RANBP2: variants seen among roughly 807,000 people sequenced by gnomAD.
The protein encoded by RANBP2 is E3 SUMO-protein ligase RanBP2.
RANBP2 carries 57 observed loss-of-function variants against 303.6 expected under a neutral mutation model. That is an observed-to-expected ratio of 0.19 (90% CI 0.15 to 0.23). The LOEUF is 0.23. RANBP2 is among the 10% of genes least tolerant of loss of function. The pLI is 1.00. For missense variants in RANBP2, 3,138 were observed against 3,780.8 expected (o/e 0.83, Z 4.46); for synonymous variants, 1,167 against 1,301.5 (o/e 0.90, Z 2.23).
chr2:109,515,220 C>A, the RANBP2 span, among the ~76,000 whole-genome samples: 1 of 152,184 alleles, frequency 6.6e-6, no homozygotes, highest in South Asian at 2.1e-4. Context: ...CTCGGCGGCA[C>A]CCAGCACCCC....
chr2:108,876,075 A>AT, the RANBP2 span: 87 of 1,526,450 alleles, frequency 5.7e-5, no homozygotes, highest in Middle Eastern at 1.8e-4. Flanking sequence ...TAATGTATTC[A>AT]TTTTTTTTAC....
chr2:109,015,568 G>T, the RANBP2 span, among the ~76,000 whole-genome samples: 1 of 152,052 alleles, frequency 6.6e-6, no homozygotes, highest in Non-Finnish European at 1.5e-5. Flanking sequence ...GACCAGCCTG[G>T]CCAACTTGGT....
At chr2:109,098,888 G>T in the RANBP2 span, among the ~76,000 whole-genome samples, 10 of 152,168 alleles carry the variant, frequency 6.6e-5, no homozygotes, top group South Asian at 4.1e-4. Context: ...ATCTCAGATG[G>T]GTTCAGGAAA....
At chr2:109,600,626 A>G in the RANBP2 span, among the ~76,000 whole-genome samples, 1 of 150,726 alleles carries the variant, frequency 6.6e-6, no homozygotes, top group Non-Finnish European at 1.5e-5. Flanking sequence ...GTTTTTTCCC[A>G]CCCACCCACC....
chr2:108,972,960 C>G, the RANBP2 span, among the ~76,000 whole-genome samples: 1 of 152,154 alleles, frequency 6.6e-6, no homozygotes, highest in Admixed American at 6.5e-5. Context: ...GAGGTCTCAG[C>G]AGGTGTTTAT....
chr2:109,714,644 CT>C, the RANBP2 span, among the ~76,000 whole-genome samples: 1 of 149,648 alleles, frequency 6.7e-6, no homozygotes, highest in Non-Finnish European at 1.5e-5. Context: ...CAAGGTCTCT[CT>C]GTATTGCCCA....
the RANBP2 span, among the ~76,000 whole-genome samples, chr2:108,934,494 G>A: frequency 7.3e-3 from 1,111 of 152,334 alleles, 7 homozygotes; most frequent in Non-Finnish European, 0.012. Flanking sequence ...ACAGTGATGG[G>A]GAGAGGGAGC....
At position 108,766,146 on chromosome 2, in the gene RANBP2, A is replaced by C. The variant is rs1274678733; in HGVS notation, c.5607A>C (p.Ser1869=). The C allele has an allele frequency of 1.2e-6, 2 of 1,613,304 alleles. No individual in the cohort carries two copies. The highest frequency in any genetic ancestry group is 8.5e-7 in the Non-Finnish European group (1 of 1,179,992). The stretch of plus-strand genomic sequence containing the variant: ...TTGGGCATGTGGATCAAGAAAATTC[A>C]CCTTCATTTATGTTTCAGGGTTCTT... ...FKFGHVDQEN[S]PSFMFQGSSN... is the part of the protein sequence containing the mutation. The change falls in exon 20 of 29, where the codon TCA becomes TCC. Residue 1869 remains serine, a synonymous_variant. Transcript: ENST00000283195.
chr2:109,375,883 C>T, the RANBP2 span, among the ~76,000 whole-genome samples: 327 of 152,342 alleles, frequency 2.1e-3, 1 homozygote, highest in African/African-American at 7.5e-3. Flanking sequence ...CAGGGCGATG[C>T]GGGCTTCAGA....
At chr2:109,358,276 C>G in the RANBP2 span, among the ~76,000 whole-genome samples, 1 of 152,146 alleles carries the variant, frequency 6.6e-6, no homozygotes, top group Non-Finnish European at 1.5e-5. Flanking sequence ...GGATGTACCA[C>G]AGTTTGTTTA....
At chr2:109,048,562 G>A in the RANBP2 span, among the ~76,000 whole-genome samples, 1 of 152,204 alleles carries the variant, frequency 6.6e-6, no homozygotes, top group Admixed American at 6.5e-5. Context: ...TGCAGGGAGT[G>A]CACATGAAGC....
the RANBP2 span, among the ~76,000 whole-genome samples, chr2:109,178,143 A>G: frequency 2.0e-5 from 3 of 152,138 alleles, no homozygotes; most frequent in Non-Finnish European, 4.4e-5. Context: ...CAACAAACCT[A>G]CCCTTTCTTA....
the RANBP2 span, among the ~76,000 whole-genome samples, chr2:109,033,955 CA>C: frequency 0.088 from 9,356 of 106,738 alleles, 546 homozygotes; most frequent in African/African-American, 0.2. Context: ...ACCCTGACTC[CA>C]AAAAAAAAAA....
chr2:108,903,714 T>C, the RANBP2 span, among the ~76,000 whole-genome samples: 147 of 152,284 alleles, frequency 9.7e-4, no homozygotes, highest in African/African-American at 3.3e-3. Context: ...AAATGAACTT[T>C]GACCCAAGTT....
At chr2:108,995,639 T>C in the RANBP2 span, among the ~76,000 whole-genome samples, 4 of 152,238 alleles carry the variant, frequency 2.6e-5, no homozygotes, top group African/African-American at 4.8e-5. Flanking sequence ...CCTGGCTAAA[T>C]GGTTGCATTT....
chr2:109,041,342 T>C, the RANBP2 span, among the ~76,000 whole-genome samples: 2 of 152,192 alleles, frequency 1.3e-5, no homozygotes, highest in South Asian at 2.1e-4. Context: ...CAATGTTGAA[T>C]AGGGACACTG....
chr2:108,950,626 G>A, the RANBP2 span, among the ~76,000 whole-genome samples: 1 of 152,180 alleles, frequency 6.6e-6, no homozygotes, highest in African/African-American at 2.4e-5. Flanking sequence ...CTGCATTCTG[G>A]ACGTGACACA....
chr2:109,692,806 T>C, the RANBP2 span, among the ~76,000 whole-genome samples: 1 of 149,938 alleles, frequency 6.7e-6, no homozygotes, highest in Non-Finnish European at 1.5e-5. Flanking sequence ...CTTGTATTTC[T>C]TTTTTCTTTC....
At chr2:109,688,749 A>G in the RANBP2 span, among the ~76,000 whole-genome samples, 1 of 136,794 alleles carries the variant, frequency 7.3e-6, no homozygotes, top group Non-Finnish European at 1.5e-5. Flanking sequence ...ACTGCACTCC[A>G]GCCTGGGTGA....
Sources: allele counts gnomAD v4.1 joint callset (sites outside exome capture counted in the v4.1 genomes callset), GRCh38; gene constraint gnomAD v4.1.1; transcripts MANE v1.5; gene names NCBI Gene and HGNC (gene_info 2026-07-23, HGNC 2026-07-21).